CLSTN2: variants seen among roughly 807,000 people sequenced by gnomAD.
CLSTN2 encodes the protein calsyntenin-2.
A neutral mutation model predicts 101.2 loss-of-function variants in CLSTN2; 48 were observed. The observed-to-expected ratio is 0.47, with a 90% CI of 0.38 to 0.60. The LOEUF is 0.60. Ranked by LOEUF, CLSTN2 falls within the 20% of genes least tolerant of loss-of-function variation. The pLI is 0.00. For synonymous variants in CLSTN2, 481 were observed against 463.6 expected (o/e 1.04, Z -0.48); for missense variants, 1,160 against 1,238.2 (o/e 0.94, Z 0.95).
intron 2 of CLSTN2, among the ~76,000 whole-genome samples, chr3:140,273,536 T>C (rs1225651638): frequency 6.6e-6 from 1 of 152,104 alleles, no homozygotes; most frequent in Non-Finnish European, 1.5e-5. Context: ...CACATATGAA[T>C]AGGGATAATA....
At chr3:140,358,929 A>G (rs2087700524) in intron 2 of CLSTN2, among the ~76,000 whole-genome samples, 1 of 152,110 alleles carries the variant, frequency 6.6e-6, no homozygotes, top group African/African-American at 2.4e-5. Flanking sequence ...GGTGGAACAA[A>G]TGAGAGAGCA....
intron 9 of CLSTN2, among the ~76,000 whole-genome samples, chr3:140,539,763 G>A (rs1182446765): frequency 2.0e-5 from 3 of 152,190 alleles, no homozygotes; most frequent in African/African-American, 7.2e-5. Context: ...TTTTGCCAAT[G>A]AGGAAACTGG....
chr3:139,972,103 A>C (rs893345997), intron 1 of CLSTN2, among the ~76,000 whole-genome samples: 2 of 152,100 alleles, frequency 1.3e-5, no homozygotes, highest in Non-Finnish European at 2.9e-5. Context: ...ACCTCTACTA[A>C]AAATACAAAA....
At chr3:140,499,518 CA>C (rs1297913244) in intron 8 of CLSTN2, among the ~76,000 whole-genome samples, 1 of 152,152 alleles carries the variant, frequency 6.6e-6, no homozygotes, top group African/African-American at 2.4e-5. Flanking sequence ...ACCTAAGAAA[CA>C]AAGGCCCACC....
At chr3:140,391,092 C>T (rs549717829) in intron 2 of CLSTN2, among the ~76,000 whole-genome samples, 3 of 152,262 alleles carry the variant, frequency 2.0e-5, no homozygotes, top group South Asian at 2.1e-4. Context: ...GACTTGGAAA[C>T]GGTTTAAACA....
intron 1 of CLSTN2, among the ~76,000 whole-genome samples, chr3:140,128,975 G>A (rs896885778): frequency 1.3e-5 from 2 of 152,124 alleles, no homozygotes; most frequent in African/African-American, 4.8e-5. Flanking sequence ...TCTCAGTGGG[G>A]TAGAGTCAAT....
At chr3:140,105,362 C>G (rs181806819) in intron 1 of CLSTN2, among the ~76,000 whole-genome samples, 2 of 152,326 alleles carry the variant, frequency 1.3e-5, no homozygotes, top group East Asian at 3.9e-4. Flanking sequence ...TATCTTAAAA[C>G]AGCCATAAAC....
intron 8 of CLSTN2, among the ~76,000 whole-genome samples, chr3:140,479,364 A>C (rs1028709280): frequency 1.3e-5 from 2 of 152,232 alleles, no homozygotes; most frequent in African/African-American, 4.8e-5. Flanking sequence ...CAAGGTAATC[A>C]TCCAGTAATT....
At chr3:140,163,419 TACACACAC>T (rs60464575) in intron 1 of CLSTN2, among the ~76,000 whole-genome samples, 18 of 145,034 alleles carry the variant, frequency 1.2e-4, no homozygotes, top group African/African-American at 4.3e-4. Flanking sequence ...TTTCTATCTC[TACACACAC>T]ACACACACAC....
At chr3:139,956,340 C>A (rs559889873) in intron 1 of CLSTN2, among the ~76,000 whole-genome samples, 1 of 152,250 alleles carries the variant, frequency 6.6e-6, no homozygotes, top group South Asian at 2.1e-4. Flanking sequence ...CTTATATTCT[C>A]CTCCTCTGCA....
At chr3:140,463,330 C>T (rs1399575858) in intron 7 of CLSTN2, among the ~76,000 whole-genome samples, 1 of 152,228 alleles carries the variant, frequency 6.6e-6, no homozygotes, top group African/African-American at 2.4e-5. Flanking sequence ...ACAGGGCTTT[C>T]TAAGAGAGAG....
intron 2 of CLSTN2, among the ~76,000 whole-genome samples, chr3:140,297,323 G>A (rs2087013813): frequency 6.6e-6 from 1 of 152,124 alleles, no homozygotes; most frequent in Admixed American, 6.6e-5. Context: ...TTGGGAACAG[G>A]GGCAAAGGAT....
At chr3:140,325,996 TG>T (rs2087329060) in intron 2 of CLSTN2, among the ~76,000 whole-genome samples, 1 of 152,220 alleles carries the variant, frequency 6.6e-6, no homozygotes, top group Non-Finnish European at 1.5e-5. Flanking sequence ...TTTACAGCAC[TG>T]GGGAACAAGA....
At chr3:140,132,827 A>G (rs2009542916) in intron 1 of CLSTN2, among the ~76,000 whole-genome samples, 1 of 152,238 alleles carries the variant, frequency 6.6e-6, no homozygotes, top group Admixed American at 6.5e-5. Context: ...TGAAAAGAGC[A>G]AAATTTACCC....
intron 1 of CLSTN2, among the ~76,000 whole-genome samples, chr3:140,018,577 A>G (rs2007246319): frequency 6.6e-6 from 1 of 152,158 alleles, no homozygotes; most frequent in Non-Finnish European, 1.5e-5. Flanking sequence ...GAGGAGGAAC[A>G]TGGCAGGAAA....
At chr3:140,154,277 G>A (rs547226112) in intron 1 of CLSTN2, among the ~76,000 whole-genome samples, 1 of 152,108 alleles carries the variant, frequency 6.6e-6, no homozygotes, top group Non-Finnish European at 1.5e-5. Context: ...CTGGCCTTCT[G>A]GTTGGGGGAA....
chr3:140,048,756 C>T (rs9813297), intron 1 of CLSTN2, among the ~76,000 whole-genome samples: 9,162 of 152,160 alleles, frequency 0.06, 342 homozygotes, highest in Non-Finnish European at 0.079. Flanking sequence ...AGCTGGAGAA[C>T]GACCCTGTAA....
chr3:140,362,525 TAAAC>T (rs980288556), intron 2 of CLSTN2, among the ~76,000 whole-genome samples: 1 of 152,072 alleles, frequency 6.6e-6, no homozygotes, highest in Admixed American at 6.5e-5. Flanking sequence ...TGTAAAAAGA[TAAAC>T]AACAGACTTG....
At chr3:139,983,823 C>A (rs1488519262) in intron 1 of CLSTN2, among the ~76,000 whole-genome samples, 1 of 152,044 alleles carries the variant, frequency 6.6e-6, no homozygotes, top group African/African-American at 2.4e-5. Flanking sequence ...TTAAATGAAG[C>A]TTACCCAATC....
Sources: gnomAD v4.1 joint callset for allele counts (sites outside exome capture counted in the v4.1 genomes callset) on GRCh38, gnomAD v4.1.1 for gene constraint, MANE v1.5 for transcripts, NCBI Gene and HGNC (gene_info 2026-07-23, HGNC 2026-07-21) for gene names.